Variants in FER observed in about 807,000 individuals in gnomAD.
FER encodes FER tyrosine kinase.
In FER, 63 loss-of-function variants were observed where a neutral mutation model predicts 111.0. The observed-to-expected ratio is 0.57, with a 90% CI of 0.46 to 0.70. The LOEUF is 0.70. FER is among the 30% of genes least tolerant of loss of function. The pLI is 0.00. For synonymous variants in FER, 327 were observed against 313.9 expected, an observed-to-expected ratio of 1.04 and a Z score of -0.44; for missense variants, 914 against 954.0, an observed-to-expected ratio of 0.96 and a Z score of 0.55.
At chr5:109,136,131 C>G (rs928007866) in intron 17 of FER, among the ~76,000 whole-genome samples, 1 of 151,862 alleles carries the variant, frequency 6.6e-6, no homozygotes, top group African/African-American at 2.4e-5. Context: ...TGGCACTCAC[C>G]TGTAATCCCA....
In FER at chr5:108,923,725, C is replaced by T. The variant is rs1753347242; in HGVS notation, c.1237-22405C>T. Among the ~76,000 whole-genome samples the T allele has an allele frequency of 2.6e-5, 4 of 152,054 alleles. 1 individual carries two copies. The highest frequency in any genetic ancestry group is 2.6e-4 in the Admixed American group (4 of 15,270). On this transcript the variant is annotated intron_variant, in intron 10 of 19. Coordinates refer to ENST00000281092, the MANE Select transcript of FER (RefSeq NM_005246.4). ...CTCTACTTCCTCTCTAGCCCTGACA[C>T]TTCATTTTGTGTTAAGTGTAGTAGG...
At chr5:108,817,218 G>A (rs1316292015) in intron 3 of FER, among the ~76,000 whole-genome samples, 1 of 147,236 alleles carries the variant, frequency 6.8e-6, no homozygotes, top group Non-Finnish European at 1.5e-5. Context: ...AAAATGAAGA[G>A]AGGCTCTTAT....
intron 3 of FER, among the ~76,000 whole-genome samples, chr5:108,808,702 A>T (rs1193462138): frequency 6.6e-6 from 1 of 152,072 alleles, no homozygotes; most frequent in Non-Finnish European, 1.5e-5. Flanking sequence ...GCCTGTGTGC[A>T]TGTTTTTGTG....
intron 17 of FER, among the ~76,000 whole-genome samples, chr5:109,171,530 A>G (rs1395302367): frequency 6.6e-6 from 1 of 152,224 alleles, no homozygotes; most frequent in African/African-American, 2.4e-5. Flanking sequence ...AATAAATGAC[A>G]GCCATTATCA....
At chr5:108,996,972 C>T (rs889138789) in intron 13 of FER, among the ~76,000 whole-genome samples, 3 of 152,060 alleles carry the variant, frequency 2.0e-5, no homozygotes, top group African/African-American at 7.2e-5. Flanking sequence ...TAAAGACGTC[C>T]TTCACATTCC....
At position 109,077,278 on chromosome 5, in the gene FER, G is replaced by A. The variant is rs569106978; in HGVS notation, c.1925-23118G>A. On this transcript the variant is annotated intron_variant, in intron 16 of 19. Transcript: ENST00000281092. ...TCCTATTTAGAGTACATGAGCAACCGTAATGAAACTTTCTTAGATTTTTAC... is the reference window on the plus strand; with the variant it reads ...TCCTATTTAGAGTACATGAGCAACCATAATGAAACTTTCTTAGATTTTTAC... Among the ~76,000 whole-genome samples, 45 of 152,240 alleles carry A rather than the reference G, an allele frequency of 3.0e-4. 1 individual carries two copies. The South Asian group carries it at 8.7e-3, about 29-fold the overall frequency.
At chr5:108,879,156 A>G (rs1466080869) in intron 8 of FER, among the ~76,000 whole-genome samples, 1 of 152,016 alleles carries the variant, frequency 6.6e-6, no homozygotes, top group Non-Finnish European at 1.5e-5. Flanking sequence ...TCATTTTATG[A>G]CTTTTAACTG....
chr5:108,857,394 TTATATCA>T (rs1763105969), intron 5 of FER, among the ~76,000 whole-genome samples: 1 of 152,142 alleles, frequency 6.6e-6, no homozygotes, highest in Admixed American at 6.5e-5. Context: ...TGTTGGTGCT[TTATATCA>T]GGTCCATGAT....
chr5:108,910,309 A>G (rs1435206413), intron 10 of FER, among the ~76,000 whole-genome samples: 3 of 152,136 alleles, frequency 2.0e-5, no homozygotes, highest in African/African-American at 7.2e-5. Flanking sequence ...ACTCTAGCCA[A>G]AGTTATCTTT....
chr5:108,848,639 A>G (rs1208147291), intron 5 of FER, among the ~76,000 whole-genome samples: 2 of 151,798 alleles, frequency 1.3e-5, no homozygotes, highest in African/African-American at 4.8e-5. Context: ...GATATATTTT[A>G]TATATTTTAC....
In FER at chr5:108,925,359, T is replaced by A. The variant is rs1753590364; in HGVS notation, c.1237-20771T>A. On this transcript the variant is annotated intron_variant, in intron 10 of 19. Transcript: ENST00000281092. ...AAAGCTTTTCATTATGATATGTAGC[T>A]ATATAGTTCAATGCTAATTTTGTAA... Among the ~76,000 whole-genome samples, 3 of 152,056 alleles carry A rather than the reference T, an allele frequency of 2.0e-5. No individual in the cohort carries two copies. In the South Asian group the frequency reaches 6.2e-4, roughly 32 times the overall value.
intron 17 of FER, among the ~76,000 whole-genome samples, chr5:109,124,355 A>G (rs542342010): frequency 6.6e-6 from 1 of 152,250 alleles, no homozygotes; most frequent in Non-Finnish European, 1.5e-5. Context: ...CAATATTTCC[A>G]TTAAGTGGCT....
intron 1 of FER, among the ~76,000 whole-genome samples, chr5:108,755,615 A>C (rs1288019799): frequency 6.6e-6 from 1 of 151,918 alleles, no homozygotes; most frequent in Non-Finnish European, 1.5e-5. Context: ...CCTCCCGAGT[A>C]GCTGGGATTA....
At chr5:108,797,517 C>T (rs553691046) in intron 2 of FER, among the ~76,000 whole-genome samples, 1 of 152,322 alleles carries the variant, frequency 6.6e-6, no homozygotes, top group African/African-American at 2.4e-5. Context: ...TGTGACATGG[C>T]AGCAGTGAGT....
At chr5:109,154,088 C>T (rs1463904142) in intron 17 of FER, among the ~76,000 whole-genome samples, 1 of 144,750 alleles carries the variant, frequency 6.9e-6, no homozygotes, top group African/African-American at 2.5e-5. Context: ...AAAAAAAAAA[C>T]CCATGCTGCT....
intron 5 of FER, among the ~76,000 whole-genome samples, chr5:108,850,239 T>A (rs1451814128): frequency 3.9e-5 from 6 of 152,056 alleles, no homozygotes; most frequent in African/African-American, 1.4e-4. Context: ...TGAGCTTGTT[T>A]TTTTTTCCTC....
intron 13 of FER, among the ~76,000 whole-genome samples, chr5:108,998,195 A>C (rs1022509798): frequency 4.5e-4 from 68 of 151,702 alleles, no homozygotes; most frequent in African/African-American, 1.3e-3. Flanking sequence ...AAAAAAAAAA[A>C]AAAAAAAAAA....
At chr5:109,043,554 A>G (rs1418415803) in intron 14 of FER, among the ~76,000 whole-genome samples, 1 of 152,180 alleles carries the variant, frequency 6.6e-6, no homozygotes, top group African/African-American at 2.4e-5. Context: ...CAAGGTACAA[A>G]TTTTAACTTG....
intron 5 of FER, among the ~76,000 whole-genome samples, chr5:108,841,665 A>T (rs1198380273): frequency 6.6e-6 from 1 of 152,130 alleles, no homozygotes; most frequent in East Asian, 1.9e-4. Context: ...TAAAAACATG[A>T]ATAGTGAAGG....
Sources: gnomAD v4.1 joint callset for allele counts (sites outside exome capture counted in the v4.1 genomes callset) on GRCh38, gnomAD v4.1.1 for gene constraint, MANE v1.5 for transcripts, NCBI Gene and HGNC (gene_info 2026-07-23, HGNC 2026-07-21) for gene names.